LUZP2: variants seen among roughly 807,000 people sequenced by gnomAD.
LUZP2 encodes leucine zipper protein 2.
Under a neutral mutation model 51.6 loss-of-function variants are expected in LUZP2, and 52 were observed. That is an observed-to-expected ratio of 1.01 (90% CI 0.81 to 1.27). The LOEUF (loss-of-function observed/expected upper bound fraction) is 1.27, where lower values mean the gene tolerates loss of function less well. Ranked by LOEUF, LUZP2 falls within the 50% of genes most tolerant of loss-of-function variation. The pLI, the probability that LUZP2 is intolerant of heterozygous loss-of-function variation, is 0.00. For missense variants in LUZP2, 436 were observed against 395.4 expected, an observed-to-expected ratio of 1.10 and a Z score of -0.87; for synonymous variants, 154 against 137.3, an observed-to-expected ratio of 1.12 and a Z score of -0.85.
chr11:24,670,681 T>C (rs1188622613), intron 1 of LUZP2, among the ~76,000 whole-genome samples: 1 of 152,024 alleles, frequency 6.6e-6, no homozygotes, highest in Non-Finnish European at 1.5e-5. Context: ...TTAATTAATT[T>C]ACAAGAAACT....
intron 1 of LUZP2, among the ~76,000 whole-genome samples, chr11:24,685,776 T>G (rs561716977): frequency 6.6e-6 from 1 of 152,332 alleles, no homozygotes; most frequent in African/African-American, 2.4e-5. Context: ...TTCACTAATG[T>G]GTCATTAGTG....
chr11:25,027,763 C>A (rs1007022439), intron 9 of LUZP2, among the ~76,000 whole-genome samples: 4 of 151,106 alleles, frequency 2.6e-5, no homozygotes, highest in Admixed American at 1.3e-4. Context: ...CCCAGCAACT[C>A]GGGAGGCTGA....
chr11:24,907,397 T>C (rs1853492504), intron 6 of LUZP2, among the ~76,000 whole-genome samples: 1 of 150,884 alleles, frequency 6.6e-6, no homozygotes, highest in Non-Finnish European at 1.5e-5. Context: ...ATGGCATGAA[T>C]AGAAGTGTTT....
chr11:24,920,528 A>G (rs1463011633), intron 7 of LUZP2, among the ~76,000 whole-genome samples: 1 of 152,126 alleles, frequency 6.6e-6, no homozygotes, highest in African/African-American at 2.4e-5. Context: ...TAGGAAATAT[A>G]CAGAATCAAT....
At chr11:25,006,042 C>G (rs935764571) in intron 9 of LUZP2, among the ~76,000 whole-genome samples, 3 of 152,112 alleles carry the variant, frequency 2.0e-5, no homozygotes, top group African/African-American at 7.2e-5. Context: ...GATACAATTT[C>G]TGAGGCTCCC....
intron 1 of LUZP2, among the ~76,000 whole-genome samples, chr11:24,520,915 G>A (rs1425630232): frequency 6.6e-6 from 1 of 152,218 alleles, no homozygotes; most frequent in Non-Finnish European, 1.5e-5. Flanking sequence ...AGTCAAGAGA[G>A]TGGATATGAT....
At position 25,036,310 on chromosome 11, in the gene LUZP2, T is replaced by A. The variant is rs1402087889; in HGVS notation, c.766-13728T>A. On this transcript the variant is annotated intron_variant, in intron 9 of 11. Transcript: ENST00000336930. ...TGTTTTATATTTCTGTGGGATGAGT[T>A]GTAATATCTCCTTTGACATTTCTGA... Among the ~76,000 whole-genome samples the A allele has an allele frequency of 2.0e-5, 3 of 152,120 alleles. No individual in the cohort carries two copies. The East Asian group carries it at 5.8e-4, about 29-fold the overall frequency.
chr11:24,978,882 T>G (rs544839628), intron 8 of LUZP2, among the ~76,000 whole-genome samples: 3 of 151,798 alleles, frequency 2.0e-5, no homozygotes, highest in Non-Finnish European at 4.4e-5. Flanking sequence ...TACATATTCT[T>G]ACCCATTCAA....
At chr11:24,683,603 C>T (rs943654361) in intron 1 of LUZP2, among the ~76,000 whole-genome samples, 1 of 152,192 alleles carries the variant, frequency 6.6e-6, no homozygotes, top group African/African-American at 2.4e-5. Context: ...CCATACTTTA[C>T]ATAGCATATT....
chr11:24,993,226 C>T (rs1414393069), intron 9 of LUZP2, among the ~76,000 whole-genome samples: 1 of 152,048 alleles, frequency 6.6e-6, no homozygotes, highest in African/African-American at 2.4e-5. Context: ...GGCCTGAAAA[C>T]TTAGGTGATA....
At chr11:24,820,009 A>G (rs1473911468) in intron 5 of LUZP2, among the ~76,000 whole-genome samples, 2 of 152,120 alleles carry the variant, frequency 1.3e-5, no homozygotes, top group African/African-American at 4.8e-5. Flanking sequence ...GGCAGTTGAG[A>G]GTGACAGTGA....
chr11:24,564,127 C>T (rs939030143), intron 1 of LUZP2, among the ~76,000 whole-genome samples: 2 of 152,120 alleles, frequency 1.3e-5, no homozygotes, highest in African/African-American at 4.8e-5. Context: ...GTGTGGGCTT[C>T]ATGTTGTTTG....
chr11:24,924,432 C>T (rs940691129), intron 7 of LUZP2, among the ~76,000 whole-genome samples: 2 of 152,094 alleles, frequency 1.3e-5, no homozygotes, highest in African/African-American at 2.4e-5. Context: ...ACTGCCCGTT[C>T]CTGCCCGTAG....
chr11:24,596,558 T>A (rs1311549617), intron 1 of LUZP2, among the ~76,000 whole-genome samples: 1 of 152,188 alleles, frequency 6.6e-6, no homozygotes, highest in Non-Finnish European at 1.5e-5. Flanking sequence ...AGTGGTTTAT[T>A]AGCAAGTTAA....
chr11:24,517,314 T>A (rs1277367221), intron 1 of LUZP2, among the ~76,000 whole-genome samples: 1 of 151,174 alleles, frequency 6.6e-6, no homozygotes, highest in Non-Finnish European at 1.5e-5. Context: ...TGAAACCCCG[T>A]CTCTACTAAA....
At position 24,774,350 on chromosome 11, in the gene LUZP2, CTCTCTCTCTCTCTATA is replaced by C. The variant is rs1273830454; in HGVS notation, c.396+11044_396+11059del. On this transcript the variant is annotated intron_variant, in intron 5 of 11. Coordinates refer to ENST00000336930, the MANE Select transcript of LUZP2 (RefSeq NM_001009909.4). ...AGTAAACTTCTCTCTCTCTCTCTCT[CTCTCTCTCTCTCTATA>C]TATATATATATATATACATACACAC... Among the ~76,000 whole-genome samples the C allele has an allele frequency of 5.6e-4, 45 of 80,680 alleles. 1 individual carries two copies. Among genetic ancestry groups the C allele is most frequent in the Non-Finnish European group, 7.2e-5 (3 of 41,528 alleles). 52.9% of individuals were successfully genotyped at this position (80,680 alleles called of 152,430 possible).
At chr11:24,679,262 T>G (rs1238518027) in intron 1 of LUZP2, among the ~76,000 whole-genome samples, 1 of 152,198 alleles carries the variant, frequency 6.6e-6, no homozygotes, top group Non-Finnish European at 1.5e-5. Flanking sequence ...TCTCATAATG[T>G]GTTAAAATTT....
At chr11:25,041,577 A>G (rs1381121135) in intron 9 of LUZP2, among the ~76,000 whole-genome samples, 2 of 152,194 alleles carry the variant, frequency 1.3e-5, no homozygotes, top group Non-Finnish European at 2.9e-5. Context: ...CAGCTGAAAT[A>G]TATGAATTGA....
rs537354572 is a variant in LUZP2, at chr11:24,917,816, G to A, written c.522+3278G>A. ...TGGCTTAGGATTGACTTGGCAATGC[G>A]GGCTCTTTTTTGGTTCCATATGAAC... On this transcript the variant is annotated intron_variant, in intron 7 of 11. Transcript: ENST00000336930. Among the ~76,000 whole-genome samples the A allele has an allele frequency of 8.3e-4, 127 of 152,102 alleles. 1 individual carries two copies. In the Middle Eastern group the frequency reaches 0.014, roughly 16 times the overall value.
Sources: gnomAD v4.1 joint callset for allele counts (sites outside exome capture counted in the v4.1 genomes callset) on GRCh38, gnomAD v4.1.1 for gene constraint, MANE v1.5 for transcripts, NCBI Gene and HGNC (gene_info 2026-07-23, HGNC 2026-07-21) for gene names.